WDPCP: variants seen among roughly 807,000 people sequenced by gnomAD.
WDPCP encodes the protein WD repeat-containing and planar cell polarity effector protein fritz homolog.
In WDPCP, 71 loss-of-function variants were observed where a neutral mutation model predicts 93.1. The observed-to-expected ratio is 0.76, with a 90% confidence interval of 0.63 to 0.93. The LOEUF is 0.93. WDPCP is among the 40% of genes least tolerant of loss of function. WDPCP has a pLI of 0.00. For missense variants in WDPCP, 844 were observed against 887.4 expected, an observed-to-expected ratio of 0.95 and a Z score of 0.62; for synonymous variants, 315 against 315.0, an observed-to-expected ratio of 1.00 and a Z score of 0.00.
intron 17 of WDPCP, among the ~76,000 whole-genome samples, chr2:63,148,329 G>GA (rs1231665196): frequency 2.0e-5 from 3 of 150,868 alleles, no homozygotes; most frequent in Non-Finnish European, 3.0e-5. Flanking sequence ...ACTGTATCAA[G>GA]AAAAAAAAAG....
At chr2:63,835,839 T>C in the WDPCP span, among the ~76,000 whole-genome samples, 30 of 152,100 alleles carry the variant, frequency 2.0e-4, no homozygotes, top group African/African-American at 7.2e-4. Context: ...AAAGCAGTCC[T>C]GAGAATCTTC....
intron 1 of WDPCP, among the ~76,000 whole-genome samples, chr2:63,571,955 T>A (rs1023747269): frequency 6.6e-6 from 1 of 152,148 alleles, no homozygotes; most frequent in African/African-American, 2.4e-5. Context: ...ATGTACTTGG[T>A]TTTTTCTTCT....
At chr2:63,140,288 T>A (rs912258951) in intron 17 of WDPCP, among the ~76,000 whole-genome samples, 3 of 152,212 alleles carry the variant, frequency 2.0e-5, no homozygotes, top group Non-Finnish European at 4.4e-5. Context: ...CTGCTTTGGC[T>A]GTGTGGGCTC....
At chr2:63,270,399 G>A (rs930996720) in intron 13 of WDPCP, among the ~76,000 whole-genome samples, 3 of 151,884 alleles carry the variant, frequency 2.0e-5, no homozygotes, top group African/African-American at 7.3e-5. Flanking sequence ...AATTTTCTCT[G>A]TGGGGTTACT....
At chr2:63,593,078 CTT>C (rs1466814005), upstream of WDPCP, 1 of 152,414 alleles carries the variant, frequency 6.6e-6, no homozygotes, top group East Asian at 1.9e-4. Flanking sequence ...CCAGTTGACA[CTT>C]TTTGTTTTTT....
chr2:63,206,969 T>A (rs1676388313), intron 14 of WDPCP, among the ~76,000 whole-genome samples: 1 of 152,122 alleles, frequency 6.6e-6, no homozygotes, highest in Admixed American at 6.5e-5. Context: ...TGAAACCCAT[T>A]AAAAACTAAT....
chr2:63,522,681 C>T (rs549263234), intron 1 of WDPCP, among the ~76,000 whole-genome samples: 1 of 152,272 alleles, frequency 6.6e-6, no homozygotes, highest in East Asian at 1.9e-4. Flanking sequence ...CTATTATGAA[C>T]ACCTCTATGA....
At chr2:63,237,992 A>G (rs1473585656) in intron 14 of WDPCP, among the ~76,000 whole-genome samples, 1 of 149,928 alleles carries the variant, frequency 6.7e-6, no homozygotes, top group African/African-American at 2.4e-5. Flanking sequence ...AATTAAAAAT[A>G]AATATTTTCT....
intron 1 of WDPCP, among the ~76,000 whole-genome samples, chr2:63,560,690 G>A (rs1261659450): frequency 6.7e-6 from 1 of 149,816 alleles, no homozygotes; most frequent in Non-Finnish European, 1.5e-5. Flanking sequence ...CAGGGACATA[G>A]ATGAAGCTGG....
At chr2:63,382,141 GAAT>G in intron 10 of WDPCP, 47 bp from the exon 11 acceptor site, 1 of 1,554,032 alleles carries the variant, frequency 6.4e-7, no homozygotes, top group Non-Finnish European at 8.7e-7. Flanking sequence ...AAATAAAATA[GAAT>G]AACAAAAAGA....
chr2:63,229,357 CA>C (rs2104543719), intron 14 of WDPCP: 1 of 151,960 alleles, frequency 6.6e-6, no homozygotes, highest in South Asian at 2.1e-4. Flanking sequence ...GAGTAGGTTG[CA>C]AAAATTTTCT....
intron 2 of WDPCP, among the ~76,000 whole-genome samples, chr2:63,659,586 A>C (rs1305958782): frequency 6.6e-6 from 1 of 152,228 alleles, no homozygotes; most frequent in Non-Finnish European, 1.5e-5. Flanking sequence ...ACACACTAGA[A>C]GCTGGAAGAA....
At chr2:63,826,958 A>C (rs745751266) in intron 1 of WDPCP, among the ~76,000 whole-genome samples, 7 of 152,176 alleles carry the variant, frequency 4.6e-5, no homozygotes, top group Non-Finnish European at 1.5e-5. Flanking sequence ...TTTGGTATTT[A>C]TTTGACTTTT....
intron 14 of WDPCP, among the ~76,000 whole-genome samples, chr2:63,192,726 T>C (rs1170828099): frequency 6.6e-6 from 1 of 152,268 alleles, no homozygotes; most frequent in Non-Finnish European, 1.5e-5. Context: ...ATTGCTGTTA[T>C]ACATTTGTCT....
intron 17 of WDPCP, among the ~76,000 whole-genome samples, chr2:63,145,862 T>C (rs891855846): frequency 1.3e-5 from 2 of 152,234 alleles, no homozygotes; most frequent in Non-Finnish European, 2.9e-5. Flanking sequence ...TTCCATTTGT[T>C]TGTGTCATCT....
intron 15 of WDPCP, among the ~76,000 whole-genome samples, chr2:63,154,711 C>CA (rs1217627386): frequency 1.3e-5 from 2 of 152,076 alleles, no homozygotes; most frequent in Non-Finnish European, 2.9e-5. Flanking sequence ...TAAGAAACTG[C>CA]AAAACCATTT....
At position 63,482,831 on chromosome 2, in the gene WDPCP, G is replaced by T. The variant is rs75605232; in HGVS notation, c.384+1773C>A. On this transcript the variant is annotated intron_variant, in intron 6 of 17. Coordinates refer to ENST00000272321, the MANE Select transcript of WDPCP (RefSeq NM_015910.7). ...TTTATAATCATAGAAATGAAGCACAGAATATAACAGAACAACAAAAAAAGA... is the reference window on the plus strand; with the variant it reads ...TTTATAATCATAGAAATGAAGCACATAATATAACAGAACAACAAAAAAAGA... Among the ~76,000 whole-genome samples the T allele has an allele frequency of 7.8e-3, 1,180 of 151,878 alleles. 4 individuals carry two copies. Among genetic ancestry groups the T allele is most frequent in the Non-Finnish European group, 0.013 (854 of 67,850 alleles).
chr2:63,516,602 T>C lies in WDPCP; in HGVS notation c.76-23662A>G, dbSNP rs1181218569. Among the ~76,000 whole-genome samples, 3 of 150,052 alleles carry C rather than the reference T, an allele frequency of 2.0e-5. No individual in the cohort carries two copies. The East Asian group carries it at 6.0e-4, about 30-fold the overall frequency. On this transcript the variant is annotated intron_variant, in intron 1 of 17. Coordinates refer to ENST00000272321, the MANE Select transcript of WDPCP (RefSeq NM_015910.7). ...GGAGGGGATGCTGGACTCTTGCCAA[T>C]GACCAGCACATCATTGTCAGCCATG...
chr2:63,824,384 CAAA>C (rs67700613), intron 1 of WDPCP, among the ~76,000 whole-genome samples: 2 of 144,256 alleles, frequency 1.4e-5, no homozygotes, highest in Middle Eastern at 3.3e-3. Context: ...CCTATCTCTA[CAAA>C]AAAAAAAAAA....
Sources: allele counts gnomAD v4.1 joint callset (sites outside exome capture counted in the v4.1 genomes callset), GRCh38; gene constraint gnomAD v4.1.1; transcripts MANE v1.5; gene names NCBI Gene and HGNC (gene_info 2026-07-23, HGNC 2026-07-21).